Variants in COL25A1 observed in about 807,000 individuals in gnomAD.
COL25A1 encodes collagen alpha-1(XXV) chain.
COL25A1 carries 103 observed loss-of-function variants against 128.4 expected under a neutral mutation model. The observed-to-expected ratio is 0.80, with a 90% CI of 0.68 to 0.94. The LOEUF (loss-of-function observed/expected upper bound fraction) is 0.94, where lower values mean the gene tolerates loss of function less well. Among genes scored for constraint, COL25A1 ranks in the 40% least tolerant of loss-of-function variants. COL25A1 has a pLI of 0.00. For missense variants in COL25A1, 745 were observed against 840.0 expected, an observed-to-expected ratio of 0.89 and a Z score of 1.40; for synonymous variants, 279 against 277.2, an observed-to-expected ratio of 1.01 and a Z score of -0.06.
intron 24 of COL25A1, among the ~76,000 whole-genome samples, chr4:108,855,940 T>C (rs1736440227): frequency 6.6e-6 from 1 of 152,166 alleles, no homozygotes. Flanking sequence ...AGGATTCTCT[T>C]TTGAACTCAA....
At chr4:109,015,514 A>C (rs1195801807) in intron 5 of COL25A1, among the ~76,000 whole-genome samples, 1 of 152,220 alleles carries the variant, frequency 6.6e-6, no homozygotes, top group Non-Finnish European at 1.5e-5. Flanking sequence ...TGCCAAGTGA[A>C]ACAGTTAAGT....
intron 3 of COL25A1, among the ~76,000 whole-genome samples, chr4:109,211,293 T>TATATAG: frequency 3.1e-5 from 1 of 32,510 alleles, no homozygotes; most frequent in Non-Finnish European, 4.4e-5. Context: ...TATGAAACTA[T>TATATAG]ATATATATAT....
chr4:109,013,098 T>C (rs906274934), intron 5 of COL25A1, among the ~76,000 whole-genome samples: 2 of 152,156 alleles, frequency 1.3e-5, no homozygotes, highest in African/African-American at 4.8e-5. Context: ...TAAAGGATTG[T>C]AAATGCACCA....
At chr4:109,040,600 A>G (rs930690188) in intron 5 of COL25A1, among the ~76,000 whole-genome samples, 1 of 152,160 alleles carries the variant, frequency 6.6e-6, no homozygotes, top group Non-Finnish European at 1.5e-5. Flanking sequence ...TTACTTCCCT[A>G]ATTAGTCCCA....
intron 11 of COL25A1, among the ~76,000 whole-genome samples, chr4:108,934,808 A>T (rs1255693861): frequency 6.6e-6 from 1 of 152,224 alleles, no homozygotes; most frequent in African/African-American, 2.4e-5. Context: ...AGAAAATCTG[A>T]TTTATACAAA....
At chr4:109,141,193 T>C (rs1163776616) in intron 3 of COL25A1, among the ~76,000 whole-genome samples, 2 of 152,204 alleles carry the variant, frequency 1.3e-5, no homozygotes, top group Admixed American at 6.5e-5. Context: ...GAGAAAATTA[T>C]GTGGTTTTGG....
At chr4:109,191,423 A>G (rs1424164762) in intron 3 of COL25A1, among the ~76,000 whole-genome samples, 1 of 152,156 alleles carries the variant, frequency 6.6e-6, no homozygotes, top group Non-Finnish European at 1.5e-5. Context: ...TGTCGCCCAC[A>G]AGAGAGGGTG....
intron 3 of COL25A1, among the ~76,000 whole-genome samples, chr4:109,197,475 TATATTATATATTATATATAA>T (rs1776200308): frequency 8.5e-6 from 1 of 118,276 alleles, no homozygotes; most frequent in Non-Finnish European, 1.7e-5. Context: ...ATATATAATA[TATATTATATATTATATATAA>T]ATATATATTA....
rs756063260 is a variant in COL25A1, at chr4:108,824,236, T to C, written c.1792-9A>G. On this transcript the variant is annotated splice_polypyrimidine_tract_variant and intron_variant, in intron 34 of 37. Coordinates refer to ENST00000399132, the MANE Select transcript of COL25A1 (RefSeq NM_198721.4). ...CGTGGACCAGGGAAGCCCTGTAAGATAAAAAGCAAACCAAAAAGATCTATT... is the reference window on the plus strand; with the variant it reads ...CGTGGACCAGGGAAGCCCTGTAAGACAAAAAGCAAACCAAAAAGATCTATT... 1 of 1,597,748 alleles carries C rather than the reference T, an allele frequency of 6.3e-7. No homozygotes were observed. The highest frequency in any genetic ancestry group is 8.5e-7 in the Non-Finnish European group (1 of 1,171,898).
chr4:108,842,642 AG>A (rs1734584428), intron 30 of COL25A1, among the ~76,000 whole-genome samples: 1 of 152,204 alleles, frequency 6.6e-6, no homozygotes, highest in African/African-American at 2.4e-5. Context: ...GTTTCAGATA[AG>A]GATTTTCAGG....
intron 3 of COL25A1, among the ~76,000 whole-genome samples, chr4:109,186,891 C>G (rs1047222914): frequency 6.6e-6 from 1 of 152,162 alleles, no homozygotes; most frequent in African/African-American, 2.4e-5. Context: ...TGACCGAAAA[C>G]TGGACTAAAA....
intron 3 of COL25A1, among the ~76,000 whole-genome samples, chr4:109,116,497 C>T (rs1250212005): frequency 6.6e-6 from 1 of 151,942 alleles, no homozygotes; most frequent in Admixed American, 6.6e-5. Context: ...AAAACTGAGA[C>T]CTAATCATAG....
At chr4:109,104,820 C>G (rs1766262554) in intron 3 of COL25A1, among the ~76,000 whole-genome samples, 1 of 152,058 alleles carries the variant, frequency 6.6e-6, no homozygotes, top group African/African-American at 2.4e-5. Context: ...AATAAAATAA[C>G]TGCTAAATAT....
At chr4:108,895,107 C>G (rs1177506446) in intron 16 of COL25A1, among the ~76,000 whole-genome samples, 2 of 152,166 alleles carry the variant, frequency 1.3e-5, no homozygotes, top group Non-Finnish European at 2.9e-5. Context: ...TGAGCCCACT[C>G]TAATTTCTAG....
At chr4:108,982,374 G>A (rs1753073781) in intron 6 of COL25A1, among the ~76,000 whole-genome samples, 2 of 152,118 alleles carry the variant, frequency 1.3e-5, no homozygotes, top group African/African-American at 4.8e-5. Flanking sequence ...AAACTTGGTC[G>A]TAGTTTTAAC....
chr4:108,867,605 T>C (rs1738092480), intron 20 of COL25A1, among the ~76,000 whole-genome samples: 1 of 152,202 alleles, frequency 6.6e-6, no homozygotes, highest in African/African-American at 2.4e-5. Flanking sequence ...TATTTTCACT[T>C]GACCAGCAGA....
rs57645686 is a variant in COL25A1, at chr4:108,991,189, T to C, written c.439-16630A>G. Among the ~76,000 whole-genome samples, 10 of 152,294 alleles carry C rather than the reference T, an allele frequency of 6.6e-5. No homozygotes were observed. The East Asian group carries it at 1.9e-3, about 29-fold the overall frequency. ...AGTTAATTATTCATGAAATGCTACGTGTTATTTACCTTTATTCAGGCAGAA... is the reference window on the plus strand; with the variant it reads ...AGTTAATTATTCATGAAATGCTACGCGTTATTTACCTTTATTCAGGCAGAA... On this transcript the variant is annotated intron_variant, in intron 6 of 37. Coordinates refer to ENST00000399132, the MANE Select transcript of COL25A1 (RefSeq NM_198721.4).
intron 3 of COL25A1, among the ~76,000 whole-genome samples, chr4:109,224,410 T>C (rs987179610): frequency 6.6e-6 from 1 of 152,184 alleles, no homozygotes; most frequent in Non-Finnish European, 1.5e-5. Flanking sequence ...TCCTTCTAAG[T>C]TCGGGCATAT....
At chr4:109,263,621 T>C (rs1025962666) in intron 3 of COL25A1, among the ~76,000 whole-genome samples, 5 of 152,160 alleles carry the variant, frequency 3.3e-5, no homozygotes, top group Admixed American at 1.3e-4. Context: ...CGCTTGGAAA[T>C]TGCTAGGAAA....
Sources: allele counts gnomAD v4.1 joint callset (sites outside exome capture counted in the v4.1 genomes callset), GRCh38; gene constraint gnomAD v4.1.1; transcripts MANE v1.5; gene names NCBI Gene and HGNC (gene_info 2026-07-23, HGNC 2026-07-21).